Variants in LHFPL3 observed in about 807,000 individuals in gnomAD.
LHFPL3 encodes the protein LHFPL tetraspan subfamily member 3 protein.
In LHFPL3, 5 loss-of-function variants were observed where a neutral mutation model predicts 19.3. The observed-to-expected ratio is 0.26, with a 90% CI of 0.14 to 0.54. The LOEUF (loss-of-function observed/expected upper bound fraction) is 0.54, where lower values mean the gene tolerates loss of function less well. Among genes scored for constraint, LHFPL3 ranks in the 20% least tolerant of loss-of-function variants. The pLI is 0.94. For missense variants in LHFPL3, 249 were observed against 307.4 expected, an observed-to-expected ratio of 0.81 and a Z score of 1.42; for synonymous variants, 133 against 126.2, an observed-to-expected ratio of 1.05 and a Z score of -0.36.
intron 1 of LHFPL3, among the ~76,000 whole-genome samples, chr7:104,388,245 C>A (rs1221803211): frequency 1.3e-5 from 2 of 152,146 alleles, no homozygotes; most frequent in Non-Finnish European, 2.9e-5. Context: ...CTACAGTGAG[C>A]ATACACATGC....
At chr7:104,837,584 C>T (rs553419638) in intron 2 of LHFPL3, among the ~76,000 whole-genome samples, 2 of 152,122 alleles carry the variant, frequency 1.3e-5, no homozygotes, top group Non-Finnish European at 2.9e-5. Flanking sequence ...GAGTAGTTCA[C>T]CTGAGGACAC....
In LHFPL3 at chr7:104,782,895, T is replaced by A. The variant is rs1051244507; in HGVS notation, c.682+45984T>A. Among the ~76,000 whole-genome samples the A allele has an allele frequency of 3.3e-5, 5 of 152,266 alleles. No homozygotes were observed. The East Asian group carries it at 9.6e-4, about 29-fold the overall frequency. ...CCGTTCCCTTTGCAGTAAGCTTCTATGCAGCAACCCCCATTTCCCACTTCC... is the reference window on the plus strand; with the variant it reads ...CCGTTCCCTTTGCAGTAAGCTTCTAAGCAGCAACCCCCATTTCCCACTTCC... On this transcript the variant is annotated intron_variant, in intron 2 of 2. Transcript: ENST00000424859.
In LHFPL3 at chr7:104,907,812, G is replaced by A. The variant is rs556740422; in HGVS notation, c.*1597G>A. ...GACCACATTCCTATTTTAGCCAAAT[G>A]TTTCTGGTACGGGCCATCTTTTCAC... is the stretch of plus-strand genomic sequence containing the variant. On this transcript the variant is annotated 3_prime_UTR_variant, in exon 3 of 3. Transcript: ENST00000424859. Among the ~76,000 whole-genome samples, 2 of 152,242 alleles carry A rather than the reference G, an allele frequency of 1.3e-5. No homozygotes were observed. The highest frequency in any genetic ancestry group is 2.9e-5 in the Non-Finnish European group (2 of 68,006).
intron 1 of LHFPL3, among the ~76,000 whole-genome samples, chr7:104,430,668 C>G (rs1001991075): frequency 2.0e-5 from 3 of 149,928 alleles, no homozygotes; most frequent in Non-Finnish European, 4.4e-5. Context: ...CGGGATTTCA[C>G]CGTGTTTGCC....
chr7:104,375,967 G>T (rs149297905), intron 1 of LHFPL3, among the ~76,000 whole-genome samples: 21 of 152,276 alleles, frequency 1.4e-4, no homozygotes, highest in African/African-American at 4.3e-4. Context: ...CAGATGCCTG[G>T]GTTCTACCTT....
intron 1 of LHFPL3, among the ~76,000 whole-genome samples, chr7:104,343,331 A>C (rs2116370895): frequency 6.6e-6 from 1 of 151,692 alleles, no homozygotes; most frequent in African/African-American, 2.4e-5. Context: ...TGGCCAACAG[A>C]GTGAAACCCC....
chr7:104,633,837 TATA>T (rs1264421794), intron 1 of LHFPL3, among the ~76,000 whole-genome samples: 2 of 152,206 alleles, frequency 1.3e-5, no homozygotes, highest in Non-Finnish European at 2.9e-5. Context: ...AACACTAAGT[TATA>T]ATATTTCAAT....
In LHFPL3 at chr7:104,514,676, C is replaced by T. The variant is rs147648632; in HGVS notation, c.445+185452C>T. Among the ~76,000 whole-genome samples the T allele has an allele frequency of 3.4e-3, 512 of 152,236 alleles. 3 individuals carry two copies. Among genetic ancestry groups the T allele is most frequent in the African/African-American group, 0.012 (492 of 41,534 alleles). On this transcript the variant is annotated intron_variant, in intron 1 of 2. Coordinates refer to ENST00000424859, the MANE Select transcript of LHFPL3 (RefSeq NM_199000.3). ...AAACTGGTGTGAACTAGGGATGGTT[C>T]TCAAACCTGATTGCAAATTAGAGCT...
chr7:104,731,014 A>G (rs1193421522), intron 1 of LHFPL3, among the ~76,000 whole-genome samples: 1 of 152,146 alleles, frequency 6.6e-6, no homozygotes, highest in Non-Finnish European at 1.5e-5. Flanking sequence ...TCCTTTCCCC[A>G]TTTCTTGTTT....
chr7:104,544,041 T>TAAAA (rs1003074426), intron 1 of LHFPL3, among the ~76,000 whole-genome samples: 1 of 135,506 alleles, frequency 7.4e-6, no homozygotes, highest in African/African-American at 2.7e-5. Context: ...AAAGTAAAAT[T>TAAAA]AAAAAAAAAA....
intron 1 of LHFPL3, among the ~76,000 whole-genome samples, chr7:104,496,136 T>C (rs562426007): frequency 3.6e-4 from 55 of 152,086 alleles, no homozygotes; most frequent in South Asian, 2.7e-3. Context: ...CACCCCACAA[T>C]AGTCCCCAGT....
chr7:104,503,156 T>G (rs1327686765), intron 1 of LHFPL3, among the ~76,000 whole-genome samples: 5 of 151,660 alleles, frequency 3.3e-5, no homozygotes, highest in Admixed American at 6.6e-5. Context: ...AGGGCATTGG[T>G]TAAATAATAT....
rs1792645920 is a variant in LHFPL3, at chr7:104,907,632, T to C, written c.*1417T>C. On this transcript the variant is annotated 3_prime_UTR_variant, in exon 3 of 3. Coordinates refer to ENST00000424859, the MANE Select transcript of LHFPL3 (RefSeq NM_199000.3). Reference sequence around the variant, plus strand: ...GTACTTAATGGAAGCCAAACCATGTTCTATACCTAAGGAGAAAACATGGAC... The same window carrying C: ...GTACTTAATGGAAGCCAAACCATGTCCTATACCTAAGGAGAAAACATGGAC... Among the ~76,000 whole-genome samples the C allele has an allele frequency of 6.6e-6, 1 of 152,206 alleles. No individual in the cohort carries two copies. The highest frequency in any genetic ancestry group is 2.1e-4 in the South Asian group (1 of 4,822).
intron 1 of LHFPL3, among the ~76,000 whole-genome samples, chr7:104,480,327 C>A (rs904463850): frequency 6.8e-6 from 1 of 146,588 alleles, no homozygotes; most frequent in Non-Finnish European, 1.5e-5. Flanking sequence ...ATAAATGACA[C>A]CCCCCGTCCC....
intron 1 of LHFPL3, among the ~76,000 whole-genome samples, chr7:104,493,345 G>A (rs1466363837): frequency 2.0e-5 from 3 of 151,284 alleles, no homozygotes; most frequent in Non-Finnish European, 4.4e-5. Context: ...CTTAGCTCCT[G>A]TCTTCTTCCC....
At chr7:104,580,489 C>T (rs1462465954) in intron 1 of LHFPL3, among the ~76,000 whole-genome samples, 1 of 151,996 alleles carries the variant, frequency 6.6e-6, no homozygotes, top group African/African-American at 2.4e-5. Flanking sequence ...TTATATATTC[C>T]AAAATAAGTT....
intron 2 of LHFPL3, among the ~76,000 whole-genome samples, chr7:104,887,700 G>C (rs1007501472): frequency 6.6e-6 from 1 of 152,214 alleles, no homozygotes; most frequent in East Asian, 1.9e-4. Flanking sequence ...GCAGAGAAAC[G>C]ACAGCCTCTA....
intron 1 of LHFPL3, among the ~76,000 whole-genome samples, chr7:104,343,728 C>T (rs12531088): frequency 3.4e-5 from 5 of 148,750 alleles, no homozygotes; most frequent in Admixed American, 6.7e-5. Flanking sequence ...GTATGGCTTG[C>T]GTGTGTGTGT....
chr7:104,907,463 G>C lies in LHFPL3; in HGVS notation c.*1248G>C, dbSNP rs1196307498. ...TCTGGAAGTAGTTAACAACTAACCA[G>C]TGGACTTCAACAATCATTTGCTCCC... is the stretch of plus-strand genomic sequence containing the variant. On this transcript the variant is annotated 3_prime_UTR_variant, in exon 3 of 3. Transcript: ENST00000424859. 6.6e-6 allele frequency among the ~76,000 whole-genome samples: 1 copy of C among 152,106 alleles called. No homozygotes were observed. The highest frequency in any genetic ancestry group is 2.4e-5 in the African/African-American group (1 of 41,414).
Sources: allele counts gnomAD v4.1 joint callset (sites outside exome capture counted in the v4.1 genomes callset), GRCh38; gene constraint gnomAD v4.1.1; transcripts MANE v1.5; gene names NCBI Gene and HGNC (gene_info 2026-07-23, HGNC 2026-07-21).